LINS1: variants seen among roughly 807,000 people sequenced by gnomAD.
LINS1 encodes protein Lines homolog 1.
In LINS1, 27 loss-of-function variants were observed where a neutral mutation model predicts 41.6. The ratio of observed to expected loss-of-function variants is 0.65; its 90% CI spans 0.48 to 0.89. LINS1 has a LOEUF of 0.89. Among genes scored for constraint, LINS1 ranks in the 40% least tolerant of loss-of-function variants. The pLI is 0.00. For synonymous variants in LINS1, 336 were observed against 312.9 expected (o/e 1.07, Z -0.78); for missense variants, 955 against 884.1 (o/e 1.08, Z -1.02).
At chr15:100,600,110 T>C (rs770298353) in intron 1 of LINS1, among the ~76,000 whole-genome samples, 30 of 152,320 alleles carry the variant, frequency 2.0e-4, no homozygotes, top group Middle Eastern at 6.8e-3. Flanking sequence ...AAGATGTAAA[T>C]GGCTTTTATT....
At chr15:100,583,261 T>C (rs1434920702) in intron 1 of LINS1, among the ~76,000 whole-genome samples, 2 of 148,466 alleles carry the variant, frequency 1.3e-5, no homozygotes, top group Admixed American at 1.3e-4. Context: ...CTTGGTCTTA[T>C]ACTGGGTCTT....
Position 100,567,381 on chromosome 15 carries a change from T to C in LINS1, c.*1857A>G, listed in dbSNP as rs1390799980. 6.6e-6 allele frequency: 1 copy of C among 152,230 alleles called. No homozygotes were observed. The highest frequency in any genetic ancestry group is 2.4e-5 in the African/African-American group (1 of 41,452). The allele number at this position is 152,230 out of a possible 1,614,324, so 9.4% of individuals were successfully genotyped here. A position where few individuals can be genotyped will look rare whatever the true frequency, so the allele number is the denominator to read the frequency against. ...AAAAATAGTACAAAAAGATGAGACT[T>C]TGTCTTCCACATCAGACCTGTCTCC... On this transcript the variant is annotated 3_prime_UTR_variant, in exon 7 of 7. Transcript: ENST00000314742.
chr15:100,596,905 C>G (rs1440972223), intron 1 of LINS1: 1 of 152,236 alleles, frequency 6.6e-6, no homozygotes, highest in East Asian at 1.9e-4. Flanking sequence ...CTCCCTGCCA[C>G]GTACCTGAAG....
intron 1 of LINS1, among the ~76,000 whole-genome samples, chr15:100,591,598 T>C (rs1328965345): frequency 2.0e-5 from 3 of 152,182 alleles, no homozygotes; most frequent in African/African-American, 7.2e-5. Context: ...TAGAACAGAC[T>C]AGGTTTTGTT....
intron 1 of LINS1, among the ~76,000 whole-genome samples, chr15:100,587,283 T>C (rs1244641918): frequency 6.6e-6 from 1 of 151,834 alleles, no homozygotes; most frequent in African/African-American, 2.4e-5. Flanking sequence ...ACACTATGTC[T>C]ACTGTTTTGC....
chr15:100,601,778 T>A (rs1029590204), intron 1 of LINS1, among the ~76,000 whole-genome samples: 1 of 152,188 alleles, frequency 6.6e-6, no homozygotes, highest in East Asian at 1.9e-4. Flanking sequence ...TCTCGCGTTT[T>A]CCCCACGACC....
At chr15:100,570,405 T>C in intron 6 of LINS1, 1 of 282,914 alleles carries the variant, frequency 3.5e-6, no homozygotes, top group Non-Finnish European at 6.7e-6. Context: ...TTCTTATAGG[T>C]AACCAATTCC....
rs1210806058 is a variant in LINS1, at chr15:100,569,973, C to A, written c.1539G>T (p.Leu513Phe). The change falls in exon 7 of 7, where the codon TTG (leucine) becomes TTT (phenylalanine). Residue 513 changes from leucine (L) to phenylalanine (F), a missense_variant. By Grantham distance (22) the Leu-to-Phe change is conservative. Coordinates refer to ENST00000314742, the MANE Select transcript of LINS1 (RefSeq NM_001040616.3). ...CAAGAAAACAGGTTTCTGATGAAATCAAAAAGTCAAGAAGAACTGTGGAAT... is the reference window on the plus strand; with the variant it reads ...CAAGAAAACAGGTTTCTGATGAAATAAAAAAGTCAAGAAGAACTGTGGAAT... ...GFDSTVLLDFLISSETCFLEY... is the reference protein window; with the variant it reads ...GFDSTVLLDFFISSETCFLEY... 3 of 1,571,836 alleles carry A rather than the reference C, an allele frequency of 1.9e-6. No homozygotes were observed. Among genetic ancestry groups the A allele is most frequent in the Non-Finnish European group, 2.6e-6 (3 of 1,160,060 alleles).
chr15:100,592,674 A>G (rs2039088679), intron 1 of LINS1, among the ~76,000 whole-genome samples: 1 of 152,226 alleles, frequency 6.6e-6, no homozygotes, highest in African/African-American at 2.4e-5. Context: ...GGCCATATAT[A>G]TACTTTAACA....
rs150334245 is a variant in LINS1, at chr15:100,578,941, C to T, written c.489+1322G>A. Among the ~76,000 whole-genome samples, 43 of 152,142 alleles carry T rather than the reference C, an allele frequency of 2.8e-4. 1 individual carries two copies. The East Asian group carries it at 4.6e-3, about 16-fold the overall frequency. On this transcript the variant is annotated intron_variant, in intron 3 of 6. Coordinates refer to ENST00000314742, the MANE Select transcript of LINS1 (RefSeq NM_001040616.3). ...ATCACAAGAACAAAAAACCAAACACCGCATATTCTCACTCATAGGTGGGAA... is the reference window on the plus strand; with the variant it reads ...ATCACAAGAACAAAAAACCAAACACTGCATATTCTCACTCATAGGTGGGAA...
chr15:100,579,531 G>T (rs927616131), intron 3 of LINS1, among the ~76,000 whole-genome samples: 1 of 151,338 alleles, frequency 6.6e-6, no homozygotes. Context: ...TCTAAGTAGT[G>T]AATTTTTCAT....
intron 1 of LINS1, among the ~76,000 whole-genome samples, chr15:100,588,218 T>C (rs1196047831): frequency 6.6e-6 from 1 of 152,174 alleles, no homozygotes; most frequent in Admixed American, 6.5e-5. Flanking sequence ...AAGCCCACTA[T>C]TCAAGATGGC....
Position 100,588,230 on chromosome 15 carries a change from C to T in LINS1, c.-103-7285G>A, listed in dbSNP as rs372022327. Among the ~76,000 whole-genome samples the T allele has an allele frequency of 1.3e-4, 20 of 152,168 alleles. No homozygotes were observed. The East Asian group carries it at 1.5e-3, about 12-fold the overall frequency. On this transcript the variant is annotated intron_variant, in intron 1 of 6. Transcript: ENST00000314742. ...CAAAAGCCCACTATTCAAGATGGCC[C>T]AGCCAATTGGTCAGTCATGTCCTTG...
At chr15:100,571,149 T>C (rs1009258395) in intron 6 of LINS1, among the ~76,000 whole-genome samples, 1 of 152,200 alleles carries the variant, frequency 6.6e-6, no homozygotes, top group Middle Eastern at 3.2e-3. Context: ...AGAGCAGCCA[T>C]TGCCAGCAGT....
At chr15:100,600,636 C>T (rs547680646) in intron 1 of LINS1, among the ~76,000 whole-genome samples, 2 of 145,036 alleles carry the variant, frequency 1.4e-5, no homozygotes, top group African/African-American at 2.6e-5. Flanking sequence ...ATTTAATAGT[C>T]CTGAATAAGT....
chr15:100,573,452 T>A (rs1369779215), intron 5 of LINS1, 199 bp downstream of exon 5: 2 of 955,688 alleles, frequency 2.1e-6, no homozygotes, highest in East Asian at 2.8e-5. Context: ...AAATTCATTG[T>A]AGGCACAAAA....
intron 1 of LINS1, among the ~76,000 whole-genome samples, chr15:100,593,832 T>C (rs1239225775): frequency 1.3e-5 from 2 of 152,204 alleles, no homozygotes; most frequent in African/African-American, 2.4e-5. Context: ...CTCAGAAACA[T>C]TTTCACATGC....
At chr15:100,589,864 T>C (rs28862879) in intron 1 of LINS1, among the ~76,000 whole-genome samples, 15,257 of 152,250 alleles carry the variant, frequency 0.1, 847 homozygotes, top group Middle Eastern at 0.19. Context: ...TACGCCACAG[T>C]GTATTTTCAC....
chr15:100,569,880 G>A lies in LINS1; in HGVS notation c.1632C>T (p.Asn544=), dbSNP rs772619184. 72 of 1,613,456 alleles carry A rather than the reference G, an allele frequency of 4.5e-5. 1 individual carries two copies. The South Asian group carries it at 7.0e-4, about 16-fold the overall frequency. Residue 544 remains asparagine (N), a synonymous_variant, in exon 7 of 7, where the codon AAC becomes AAT. Coordinates refer to ENST00000314742, the MANE Select transcript of LINS1 (RefSeq NM_001040616.3). ...CATATTTAGATTCAGTTGCATCAAA[G>A]TTATTGCAAATGGTGAAAAAATTAT... ...DWDNFFTICN[N]FDATESKYDI...
Sources: allele counts gnomAD v4.1 joint callset (sites outside exome capture counted in the v4.1 genomes callset), GRCh38; gene constraint gnomAD v4.1.1; transcripts MANE v1.5; gene names NCBI Gene and HGNC (gene_info 2026-07-23, HGNC 2026-07-21).